Variants in CDC14B observed in about 807,000 individuals in gnomAD.
CDC14B encodes cell division cycle 14B.
CDC14B carries 22 observed loss-of-function variants against 64.2 expected under a neutral mutation model. That is an observed-to-expected ratio of 0.34 (90% confidence interval 0.24 to 0.49). The LOEUF (loss-of-function observed/expected upper bound fraction) is 0.49. Among genes scored for constraint, CDC14B ranks in the 20% least tolerant of loss-of-function variants. The pLI is 0.99. For synonymous variants in CDC14B, 191 were observed against 215.8 expected (o/e 0.89, Z 1.01); for missense variants, 498 against 629.9 (o/e 0.79, Z 2.24).
chr9:96,495,631 C>T (rs879269424), downstream of CDC14B, among the ~76,000 whole-genome samples: 2 of 152,140 alleles, frequency 1.3e-5, no homozygotes, highest in Non-Finnish European at 2.9e-5. Context: ...AGAGCTGGAG[C>T]CAGCGGTGAT....
chr9:96,525,151 A>C (rs1371011286), intron 9 of CDC14B, among the ~76,000 whole-genome samples: 1 of 152,096 alleles, frequency 6.6e-6, no homozygotes, highest in African/African-American at 2.4e-5. Context: ...AAAAAATAAG[A>C]GTGTTACAGA....
intron 1 of CDC14B, among the ~76,000 whole-genome samples, chr9:96,590,351 ACT>A (rs150477906): frequency 0.046 from 7,007 of 152,210 alleles, 545 homozygotes; most frequent in African/African-American, 0.16. Flanking sequence ...ATAATATTCC[ACT>A]GTTAGATACA....
intron 1 of CDC14B, among the ~76,000 whole-genome samples, chr9:96,590,081 C>T (rs1011333434): frequency 4.6e-5 from 7 of 152,120 alleles, no homozygotes; most frequent in African/African-American, 1.2e-4. Context: ...CTGCGCAATA[C>T]ATCTCAAAGT....
At chr9:96,607,035 T>TA (rs1846993268) in intron 1 of CDC14B, among the ~76,000 whole-genome samples, 6 of 149,700 alleles carry the variant, frequency 4.0e-5, no homozygotes, top group African/African-American at 1.5e-4. Flanking sequence ...TCAAAAAAAT[T>TA]TAAAAAAAAA....
chr9:96,500,481 G>A lies in CDC14B; in HGVS notation c.*3272C>T, dbSNP rs1471134546. 3.9e-5 allele frequency: 6 copies of A among 152,076 alleles called. No homozygotes were observed. The highest frequency in any genetic ancestry group is 7.3e-5 in the African/African-American group (3 of 41,156). 9.4% of individuals were successfully genotyped at this position (152,076 alleles called of 1,614,324 possible). On this transcript the variant is annotated 3_prime_UTR_variant, in exon 14 of 14. Coordinates refer to ENST00000375241, the MANE Select transcript of CDC14B (RefSeq NM_033331.4). ...AATAGAAAACTGCAGTACTATCATC[G>A]GATGAACATGTCTGCTGACAATTCT...
intron 12 of CDC14B, among the ~76,000 whole-genome samples, chr9:96,521,477 A>C (rs953708067): frequency 6.6e-6 from 1 of 152,234 alleles, no homozygotes; most frequent in African/African-American, 2.4e-5. Context: ...GATGCCCTAC[A>C]TTCATTCACA....
chr9:96,583,575 T>A (rs957837509), intron 1 of CDC14B, among the ~76,000 whole-genome samples: 1 of 151,564 alleles, frequency 6.6e-6, no homozygotes, highest in African/African-American at 2.4e-5. Flanking sequence ...TTTTGCATTT[T>A]TAGTAGAAAC....
intron 5 of CDC14B, among the ~76,000 whole-genome samples, chr9:96,545,329 C>CT (rs59040963): frequency 0.014 from 1,925 of 132,990 alleles, 32 homozygotes; most frequent in Middle Eastern, 0.048. Context: ...TGATTATTTT[C>CT]TTTTTTTTTT....
chr9:96,527,693 G>GC (rs1370631199), intron 9 of CDC14B, among the ~76,000 whole-genome samples: 1 of 151,798 alleles, frequency 6.6e-6, no homozygotes, highest in Non-Finnish European at 1.5e-5. Flanking sequence ...TCAGCTCACC[G>GC]CAAGCTCCAC....
intron 1 of CDC14B, among the ~76,000 whole-genome samples, chr9:96,615,283 G>C (rs1473024194): frequency 6.6e-6 from 1 of 152,204 alleles, no homozygotes; most frequent in African/African-American, 2.4e-5. Flanking sequence ...TGGAATGAGA[G>C]TTAAACCCCT....
chr9:96,556,266 A>C (rs1435007536), intron 4 of CDC14B, among the ~76,000 whole-genome samples: 1 of 152,152 alleles, frequency 6.6e-6, no homozygotes, highest in Non-Finnish European at 1.5e-5. Flanking sequence ...TGTTTCCAGC[A>C]CTTAAAGACT....
intron 7 of CDC14B, among the ~76,000 whole-genome samples, chr9:96,537,245 A>G (rs1409703956): frequency 1.3e-5 from 2 of 152,150 alleles, no homozygotes; most frequent in African/African-American, 4.8e-5. Flanking sequence ...CCAAGATCGC[A>G]CCACTGCACT....
chr9:96,592,209 C>T (rs1588044152), intron 1 of CDC14B, among the ~76,000 whole-genome samples: 1 of 152,300 alleles, frequency 6.6e-6, no homozygotes, highest in Non-Finnish European at 1.5e-5. Context: ...TCCCACATTG[C>T]TGGGACTACT....
At chr9:96,514,569 C>T (rs1835354934) in intron 12 of CDC14B, 1 of 985,312 alleles carries the variant, frequency 1.0e-6, no homozygotes. Context: ...TGTGAAAATA[C>T]TCAGTGAAAC....
chr9:96,618,128 T>A (rs951566759), intron 1 of CDC14B, among the ~76,000 whole-genome samples: 2 of 152,238 alleles, frequency 1.3e-5, no homozygotes, highest in Admixed American at 1.3e-4. Context: ...AGTTTCCAGA[T>A]TGTCCATGAA....
chr9:96,538,311 A>C (rs1839565801), intron 7 of CDC14B, among the ~76,000 whole-genome samples: 1 of 152,198 alleles, frequency 6.6e-6, no homozygotes, highest in African/African-American at 2.4e-5. Context: ...TCCCACTGAG[A>C]ATTGGGACAG....
At chr9:96,531,396 T>C (rs1216329797) in intron 9 of CDC14B, among the ~76,000 whole-genome samples, 1 of 152,162 alleles carries the variant, frequency 6.6e-6, no homozygotes, top group Non-Finnish European at 1.5e-5. Context: ...GTCCATTTCA[T>C]GTAGACTATC....
intron 4 of CDC14B, among the ~76,000 whole-genome samples, chr9:96,558,996 A>G (rs189958879): frequency 1.3e-5 from 2 of 152,338 alleles, no homozygotes; most frequent in Admixed American, 6.5e-5. Context: ...CAATACTTTG[A>G]AATACAATAA....
At position 96,503,581 on chromosome 9, in the gene CDC14B, A is replaced by C. The variant is rs1396865450; in HGVS notation, c.*172T>G. On this transcript the variant is annotated 3_prime_UTR_variant, in exon 14 of 14. Transcript: ENST00000375241. ...TCTCTGAGTCATTTGCTTGCACCCA[A>C]ACTCAAAGTTCATTATTCAAACTCC... The C allele has an allele frequency of 1.6e-6, 1 of 616,102 alleles. No individual in the cohort carries two copies. Among genetic ancestry groups the C allele is most frequent in the Non-Finnish European group, 2.9e-6 (1 of 349,188 alleles). The allele number at this position is 616,102 out of a possible 1,614,324, so 38.2% of individuals were successfully genotyped here.
Sources: gnomAD v4.1 joint callset for allele counts (sites outside exome capture counted in the v4.1 genomes callset) on GRCh38, gnomAD v4.1.1 for gene constraint, MANE v1.5 for transcripts, NCBI Gene and HGNC (gene_info 2026-07-23, HGNC 2026-07-21) for gene names.